The following OXCT1 variants were observed in gnomAD, a reference collection of about 807,000 sequenced individuals.
OXCT1 encodes the protein succinyl-CoA:3-ketoacid coenzyme A transferase 1, mitochondrial.
Under a neutral mutation model 69.6 loss-of-function variants are expected in OXCT1, and 27 were observed. That is an observed-to-expected ratio of 0.39 (90% CI 0.29 to 0.54). The LOEUF is 0.54. OXCT1 is among the 20% of genes least tolerant of loss of function. The probability of loss-of-function intolerance (pLI) is 0.72; values close to 1 mark genes in which losing one functional copy is unlikely to be tolerated. For synonymous variants in OXCT1, 202 were observed against 217.8 expected, an observed-to-expected ratio of 0.93 and a Z score of 0.64; for missense variants, 437 against 650.2, an observed-to-expected ratio of 0.67 and a Z score of 3.57.
intron 16 of OXCT1, among the ~76,000 whole-genome samples, chr5:41,738,437 T>C (rs1742997497): frequency 1.3e-5 from 2 of 152,124 alleles, no homozygotes; most frequent in Admixed American, 1.3e-4. Context: ...CTGATGGTTT[T>C]ATAAAGGGCA....
chr5:41,752,492 C>T (rs1318348693), intron 14 of OXCT1, among the ~76,000 whole-genome samples: 2 of 152,018 alleles, frequency 1.3e-5, no homozygotes, highest in African/African-American at 4.8e-5. Flanking sequence ...ATGGGTCACA[C>T]CTGTAATCCC....
chr5:41,793,251 T>A (rs567613962), intron 13 of OXCT1, among the ~76,000 whole-genome samples: 1 of 152,210 alleles, frequency 6.6e-6, no homozygotes, highest in Non-Finnish European at 1.5e-5. Flanking sequence ...GAGAAACATA[T>A]GGAAATCCTT....
At chr5:41,746,041 C>T (rs1158894758) in intron 15 of OXCT1, among the ~76,000 whole-genome samples, 2 of 152,162 alleles carry the variant, frequency 1.3e-5, no homozygotes, top group Admixed American at 1.3e-4. Flanking sequence ...TCCTCCCTAA[C>T]TCATTTTATG....
intron 13 of OXCT1, among the ~76,000 whole-genome samples, chr5:41,782,357 G>C (rs922885739): frequency 6.6e-6 from 1 of 151,930 alleles, no homozygotes; most frequent in Non-Finnish European, 1.5e-5. Context: ...TGAGATTACA[G>C]GTGCATGCCA....
intron 9 of OXCT1, among the ~76,000 whole-genome samples, chr5:41,804,298 T>A (rs1027921422): frequency 1.3e-5 from 2 of 152,056 alleles, no homozygotes; most frequent in South Asian, 4.1e-4. Flanking sequence ...AAATTACAAG[T>A]CTGGTACCTC....
Position 41,866,216 on chromosome 5 carries a change from A to G in OXCT1, c.79-3466T>C, listed in dbSNP as rs146990083. 7.8e-3 allele frequency among the ~76,000 whole-genome samples: 1,185 copies of G among 152,250 alleles called. 11 individuals carry two copies. Among genetic ancestry groups the G allele is most frequent in the Middle Eastern group, 0.031 (9 of 294 alleles). On this transcript the variant is annotated intron_variant, in intron 1 of 16. Coordinates refer to ENST00000196371, the MANE Select transcript of OXCT1 (RefSeq NM_000436.4). ...ACCAACTTGTCATTTATTGGAGTTT[A>G]GTTTTAATTTTTAACCACCTCACTC...
chr5:41,831,985 A>T (rs1402212068), intron 7 of OXCT1, among the ~76,000 whole-genome samples: 1 of 152,202 alleles, frequency 6.6e-6, no homozygotes, highest in Admixed American at 6.5e-5. Flanking sequence ...GAGGTGGTGG[A>T]GCAAGATGGT....
chr5:41,860,925 T>C (rs980986773), intron 3 of OXCT1, among the ~76,000 whole-genome samples: 1 of 152,090 alleles, frequency 6.6e-6, no homozygotes, highest in Admixed American at 6.6e-5. Flanking sequence ...GATTTCAAAT[T>C]GATGCCCACC....
chr5:41,868,012 C>T (rs1750080419), intron 1 of OXCT1, among the ~76,000 whole-genome samples: 1 of 152,192 alleles, frequency 6.6e-6, no homozygotes, highest in Non-Finnish European at 1.5e-5. Flanking sequence ...TGGAACTTAT[C>T]AATGCAAAGT....
chr5:41,738,564 C>T (rs535578008), intron 16 of OXCT1, among the ~76,000 whole-genome samples: 2 of 152,318 alleles, frequency 1.3e-5, no homozygotes, highest in South Asian at 4.1e-4. Flanking sequence ...TCCATCAAAC[C>T]TCTTTTTCTC....
intron 15 of OXCT1, among the ~76,000 whole-genome samples, chr5:41,747,270 A>T (rs1374063373): frequency 6.6e-6 from 1 of 152,046 alleles, no homozygotes; most frequent in African/African-American, 2.4e-5. Context: ...AGGTTATAGG[A>T]CAAGCCATGT....
chr5:41,869,391 C>T (rs187035852), intron 1 of OXCT1, among the ~76,000 whole-genome samples: 23 of 152,288 alleles, frequency 1.5e-4, no homozygotes, highest in Admixed American at 1.5e-3. Flanking sequence ...CTGGACCTGG[C>T]GCTCTGGTCC....
At chr5:41,736,894 G>T (rs1742911647) in intron 16 of OXCT1, among the ~76,000 whole-genome samples, 1 of 152,198 alleles carries the variant, frequency 6.6e-6, no homozygotes, top group Non-Finnish European at 1.5e-5. Flanking sequence ...TGCTAGCTAT[G>T]CAGTGATAAC....
chr5:41,820,750 C>A (rs1231224237), intron 7 of OXCT1, among the ~76,000 whole-genome samples: 1 of 152,096 alleles, frequency 6.6e-6, no homozygotes, highest in Non-Finnish European at 1.5e-5. Flanking sequence ...CCATCCTGAC[C>A]CAAATGTCCC....
intron 13 of OXCT1, among the ~76,000 whole-genome samples, chr5:41,773,450 A>C (rs1027194288): frequency 6.6e-6 from 1 of 151,768 alleles, no homozygotes. Context: ...AAAATTAATT[A>C]GCTGGGTGTG....
intron 7 of OXCT1, among the ~76,000 whole-genome samples, chr5:41,835,469 C>A (rs958772328): frequency 2.0e-4 from 30 of 152,074 alleles, no homozygotes; most frequent in African/African-American, 7.3e-4. Context: ...TCTATATGTC[C>A]ATTAACCTCT....
At chr5:41,862,095 C>T (rs533161261) in intron 2 of OXCT1, among the ~76,000 whole-genome samples, 10 of 152,258 alleles carry the variant, frequency 6.6e-5, no homozygotes, top group African/African-American at 2.2e-4. Flanking sequence ...CCTGTAATCC[C>T]AGCTACTCGG....
chr5:41,848,414 C>G (rs1371722658), intron 5 of OXCT1, among the ~76,000 whole-genome samples: 1 of 148,452 alleles, frequency 6.7e-6, no homozygotes, highest in Non-Finnish European at 1.5e-5. Context: ...ACTTTCTTCA[C>G]AGAATTGGAA....
intron 14 of OXCT1, among the ~76,000 whole-genome samples, chr5:41,756,992 TC>T (rs1439168321): frequency 6.6e-6 from 1 of 151,184 alleles, no homozygotes; most frequent in East Asian, 2.0e-4. Context: ...GCAGGGGGAG[TC>T]TACAAACCAT....
Sources: gnomAD v4.1 joint callset for allele counts (sites outside exome capture counted in the v4.1 genomes callset) on GRCh38, gnomAD v4.1.1 for gene constraint, MANE v1.5 for transcripts, NCBI Gene and HGNC (gene_info 2026-07-23, HGNC 2026-07-21) for gene names.